Variants in XYLT1 observed in about 807,000 individuals in gnomAD.
XYLT1 encodes beta-D-xylosyltransferase 1.
In XYLT1, 36 loss-of-function variants were observed where a neutral mutation model predicts 91.3. The ratio of observed to expected loss-of-function variants is 0.39; its 90% confidence interval spans 0.30 to 0.52. The LOEUF (loss-of-function observed/expected upper bound fraction) is 0.52. Ranked by LOEUF, XYLT1 falls within the 20% of genes least tolerant of loss-of-function variation. The pLI, the probability that XYLT1 is intolerant of heterozygous loss-of-function variation, is 0.68. For missense variants in XYLT1, 1,242 were observed against 1,284.5 expected (o/e 0.97, Z 0.51); for synonymous variants, 588 against 532.0 (o/e 1.11, Z -1.45).
intron 5 of XYLT1, among the ~76,000 whole-genome samples, chr16:17,171,632 C>T (rs1202593761): frequency 6.6e-6 from 1 of 152,224 alleles, no homozygotes; most frequent in African/African-American, 2.4e-5. Context: ...CTTGAAGTAA[C>T]TTGACAGTTC....
intron 10 of XYLT1, among the ~76,000 whole-genome samples, chr16:17,118,328 T>C (rs1225703412): frequency 1.4e-5 from 2 of 146,234 alleles, no homozygotes; most frequent in African/African-American, 5.0e-5. Context: ...TGCAGGCCAT[T>C]CCACAGAAAC....
chr16:17,173,683 C>T (rs866972238), intron 5 of XYLT1, among the ~76,000 whole-genome samples: 4 of 152,254 alleles, frequency 2.6e-5, no homozygotes, highest in Non-Finnish European at 5.9e-5. Context: ...AAGGCAGATA[C>T]ATCAGCAGGT....
At chr16:17,213,597 T>C (rs931057783) in intron 3 of XYLT1, among the ~76,000 whole-genome samples, 4 of 152,110 alleles carry the variant, frequency 2.6e-5, no homozygotes, top group Admixed American at 2.0e-4. Context: ...TGAGCTTCTA[T>C]TGTATTGGAA....
Position 17,259,226 on chromosome 16 carries a change from G to A in XYLT1, c.675C>T (p.Ala225=). ...ACACATCCTTCCCGTGGCTGCTGTT[G>A]GCTGCGGCTCTGTCCCCGGGAGGCA... The part of the protein sequence containing the change: ...EVLPPGDRAA[A]NSSHGKDVSR... The change falls in exon 3 of 12, where the codon GCC becomes GCT. Residue 225 remains alanine (A), a synonymous_variant. Coordinates refer to ENST00000261381, the MANE Select transcript of XYLT1 (RefSeq NM_022166.4). 1 of 1,614,002 alleles carries A rather than the reference G, an allele frequency of 6.2e-7. No homozygotes were observed. Among genetic ancestry groups the A allele is most frequent in the Non-Finnish European group, 8.5e-7 (1 of 1,179,994 alleles).
In XYLT1 at chr16:17,198,264, C is replaced by A; in HGVS notation, c.1237G>T (p.Asp413Tyr). The change falls in exon 5 of 12, where the codon GAC (aspartate) becomes TAC (tyrosine). Residue 413 changes from aspartate to tyrosine, a missense_variant. Coordinates refer to ENST00000261381, the MANE Select transcript of XYLT1 (RefSeq NM_022166.4). ...QSMRDLLEMT[D>Y]WPWDFFINLS... ...TTGATGAAGAAGTCCCAGGGCCAGT[C>A]GGTCATCTCCAGGAGGTCCCGCATG... 1 of 1,614,156 alleles carries A rather than the reference C, an allele frequency of 6.2e-7. No homozygotes were observed. Among genetic ancestry groups the A allele is most frequent in the South Asian group, 1.1e-5 (1 of 91,076 alleles).
intron 1 of XYLT1, among the ~76,000 whole-genome samples, chr16:17,405,309 T>G (rs890704470): frequency 2.6e-5 from 4 of 152,182 alleles, no homozygotes; most frequent in Non-Finnish European, 5.9e-5. Context: ...GCCGGCTCAG[T>G]TCTGGAGAAA....
At chr16:17,302,124 G>C (rs1285884172) in intron 2 of XYLT1, among the ~76,000 whole-genome samples, 1 of 152,066 alleles carries the variant, frequency 6.6e-6, no homozygotes, top group Non-Finnish European at 1.5e-5. Context: ...AGAATTGCTT[G>C]AACCCACCAG....
In XYLT1 at chr16:17,138,458, T is replaced by C; in HGVS notation, c.1661A>G (p.Asn554Ser). The C allele has an allele frequency of 6.2e-7, 1 of 1,614,000 alleles. No homozygotes were observed. Among genetic ancestry groups the C allele is most frequent in the Non-Finnish European group, 8.5e-7 (1 of 1,179,966 alleles). Residue 554 changes from asparagine to serine, a missense_variant, in exon 8 of 12, where the codon AAC becomes AGC. Physicochemically the swap from Asn to Ser is conservative, Grantham distance 46. Coordinates refer to ENST00000261381, the MANE Select transcript of XYLT1 (RefSeq NM_022166.4). Reference protein sequence around the residue: ...TMVDNNLRITNWNRKLGCKCQ... With the variant: ...TMVDNNLRITSWNRKLGCKCQ... The stretch of plus-strand genomic sequence containing the variant: ...CTTGCAGCCCAGCTTGCGATTCCAG[T>C]TGGTGATGCGCAGGTTGTTGTCCAC...
chr16:17,259,598 G>T, intron 2 of XYLT1, 100 bp from the exon 3 acceptor site: 1 of 1,414,214 alleles, frequency 7.1e-7, no homozygotes, highest in Non-Finnish European at 9.5e-7. Flanking sequence ...TGGAAGCCGG[G>T]GCCATAGTTT....
chr16:17,389,672 T>A (rs576088560), intron 1 of XYLT1, among the ~76,000 whole-genome samples: 2 of 152,230 alleles, frequency 1.3e-5, no homozygotes, highest in South Asian at 4.2e-4. Context: ...TCCAACATAG[T>A]CCCTGGCGAT....
In XYLT1 at chr16:17,109,029, A is replaced by G. The variant is rs1313284247; in HGVS notation, c.2558-12T>C. On this transcript the variant is annotated splice_polypyrimidine_tract_variant and intron_variant, in intron 11 of 11. Coordinates refer to ENST00000261381, the MANE Select transcript of XYLT1 (RefSeq NM_022166.4). ...CTTCAGTGCCTCCTCTGAAAGCCAA[A>G]GGGAACAATTTCAGGATCAGAAGAG... 6.7e-7 allele frequency: 1 copy of G among 1,500,238 alleles called. No homozygotes were observed. The highest frequency in any genetic ancestry group is 2.3e-5 in the East Asian group (1 of 43,086). 92.9% of individuals were successfully genotyped at this position (1,500,238 alleles called of 1,614,324 possible).
At chr16:17,135,000 TAAATAAAC>T (rs909795973) in intron 8 of XYLT1, among the ~76,000 whole-genome samples, 45 of 152,318 alleles carry the variant, frequency 3.0e-4, no homozygotes, top group African/African-American at 1.0e-3. Context: ...AGATGTCTGT[TAAATAAAC>T]TAAATAATTT....
chr16:17,191,345 A>T (rs1289017661), intron 5 of XYLT1, among the ~76,000 whole-genome samples: 1 of 152,226 alleles, frequency 6.6e-6, no homozygotes, highest in African/African-American at 2.4e-5. Flanking sequence ...ATCTGTACGC[A>T]GATGCAGTGA....
intron 1 of XYLT1, among the ~76,000 whole-genome samples, chr16:17,459,668 G>A (rs924421881): frequency 4.6e-5 from 7 of 152,162 alleles, no homozygotes; most frequent in African/African-American, 1.4e-4. Flanking sequence ...GGTTTCCTTC[G>A]CTGCATTTGT....
intron 2 of XYLT1, among the ~76,000 whole-genome samples, chr16:17,333,883 G>A (rs943740142): frequency 5.9e-5 from 9 of 152,054 alleles, no homozygotes; most frequent in African/African-American, 1.4e-4. Flanking sequence ...CCACACGCCC[G>A]GCCTCATGTT....
intron 1 of XYLT1, among the ~76,000 whole-genome samples, chr16:17,463,544 G>A (rs1042118893): frequency 6.6e-6 from 1 of 152,168 alleles, no homozygotes; most frequent in Non-Finnish European, 1.5e-5. Flanking sequence ...CCACCTGAAA[G>A]GGCTTTTATC....
intron 5 of XYLT1, among the ~76,000 whole-genome samples, chr16:17,181,463 A>C (rs977558572): frequency 6.6e-6 from 1 of 152,222 alleles, no homozygotes; most frequent in African/African-American, 2.4e-5. Context: ...CATTGTCATC[A>C]CTACCATTAT....
At chr16:17,227,102 C>T (rs574483581) in intron 3 of XYLT1, 1 of 152,300 alleles carries the variant, frequency 6.6e-6, no homozygotes, top group East Asian at 1.9e-4. Context: ...ATGGCAGGTA[C>T]CAGGGGTGTG....
chr16:17,285,609 T>A (rs1448698295), intron 2 of XYLT1, among the ~76,000 whole-genome samples: 2 of 152,212 alleles, frequency 1.3e-5, no homozygotes. Flanking sequence ...GGGGCCCTGC[T>A]TTCTGCTGAT....
Sources: allele counts gnomAD v4.1 joint callset (sites outside exome capture counted in the v4.1 genomes callset), GRCh38; gene constraint gnomAD v4.1.1; transcripts MANE v1.5; gene names NCBI Gene and HGNC (gene_info 2026-07-23, HGNC 2026-07-21).